Variants in NXPE2 observed in about 807,000 individuals in gnomAD.
NXPE2 encodes NXPE family member 2.
NXPE2 carries 34 observed loss-of-function variants against 34.4 expected under a neutral mutation model. The ratio of observed to expected loss-of-function variants is 0.99; its 90% CI spans 0.75 to 1.31. The LOEUF (loss-of-function observed/expected upper bound fraction) is 1.31. Ranked by LOEUF, NXPE2 falls within the 40% of genes most tolerant of loss-of-function variation. The pLI, the probability that NXPE2 is intolerant of heterozygous loss-of-function variation, is 0.00. For missense variants in NXPE2, 649 were observed against 672.5 expected (o/e 0.97, Z 0.39); for synonymous variants, 235 against 231.3 (o/e 1.02, Z -0.15).
chr11:114,809,648 T>A, the NXPE2 span, among the ~76,000 whole-genome samples: 1 of 11,684 alleles, frequency 8.6e-5, no homozygotes, highest in East Asian at 0.25. Context: ...ATGAAGGACC[T>A]CTTCTAGGAG....
the NXPE2 span, among the ~76,000 whole-genome samples, chr11:114,642,510 G>A: frequency 6.6e-6 from 1 of 151,862 alleles, no homozygotes; most frequent in African/African-American, 2.4e-5. Context: ...ACTTATGAGT[G>A]ACAACATGCA....
chr11:114,805,976 G>A, the NXPE2 span, among the ~76,000 whole-genome samples: 20 of 152,266 alleles, frequency 1.3e-4, no homozygotes, highest in East Asian at 1.9e-3. Context: ...TCACACTGCC[G>A]GGTACTCCTC....
the NXPE2 span, among the ~76,000 whole-genome samples, chr11:114,644,704 A>T: frequency 7.2e-5 from 11 of 152,068 alleles, no homozygotes; most frequent in Non-Finnish European, 1.5e-4. Context: ...TTCCCCCTCA[A>T]ATTTTATCAA....
the NXPE2 span, among the ~76,000 whole-genome samples, chr11:114,506,960 A>C: frequency 2.0e-5 from 3 of 152,058 alleles, no homozygotes; most frequent in African/African-American, 7.2e-5. Context: ...TTTTTTGAAA[A>C]AATTAATAAA....
the NXPE2 span, among the ~76,000 whole-genome samples, chr11:114,632,175 A>T: frequency 7.1e-6 from 1 of 141,236 alleles, no homozygotes; most frequent in East Asian, 1.9e-4. Context: ...ATCATATAAT[A>T]TATAATAAAT....
chr11:114,684,819 T>C (rs191308806), intron 2 of NXPE2, among the ~76,000 whole-genome samples: 161 of 152,296 alleles, frequency 1.1e-3, no homozygotes, highest in African/African-American at 3.8e-3. Context: ...TGGTTACACA[T>C]GTTTGGCAGT....
chr11:114,577,330 A>G, the NXPE2 span, among the ~76,000 whole-genome samples: 4 of 151,798 alleles, frequency 2.6e-5, no homozygotes, highest in East Asian at 5.8e-4. Context: ...GTTCTCACTC[A>G]TATGTGGGAA....
At chr11:114,657,939 A>G in the NXPE2 span, among the ~76,000 whole-genome samples, 1 of 152,218 alleles carries the variant, frequency 6.6e-6, no homozygotes, top group Admixed American at 6.5e-5. Context: ...CATTAGTCAT[A>G]GACTATTAAT....
chr11:114,471,754 G>A, the NXPE2 span, among the ~76,000 whole-genome samples: 1 of 152,144 alleles, frequency 6.6e-6, no homozygotes, highest in Admixed American at 6.6e-5. Flanking sequence ...ATTAATGCTA[G>A]CCTTGGTAAA....
chr11:114,610,790 A>G, the NXPE2 span, among the ~76,000 whole-genome samples: 6 of 152,068 alleles, frequency 3.9e-5, no homozygotes, highest in African/African-American at 1.4e-4. Flanking sequence ...CCCAGTGGAT[A>G]ATAAGTATTG....
chr11:114,602,929 T>C, the NXPE2 span, among the ~76,000 whole-genome samples: 1 of 149,374 alleles, frequency 6.7e-6, no homozygotes, highest in Non-Finnish European at 1.5e-5. Flanking sequence ...TAATCTAATA[T>C]ATAATTACAG....
chr11:114,760,113 T>C, the NXPE2 span, among the ~76,000 whole-genome samples: 1 of 152,192 alleles, frequency 6.6e-6, no homozygotes, highest in Non-Finnish European at 1.5e-5. Flanking sequence ...TGTGTCTCCC[T>C]GCACATTCAC....
At chr11:114,558,215 T>C in the NXPE2 span, among the ~76,000 whole-genome samples, 1 of 152,064 alleles carries the variant, frequency 6.6e-6, no homozygotes, top group Admixed American at 6.6e-5. Context: ...TGTGTGTGTG[T>C]ATATATATAT....
At chr11:114,580,253 A>G in the NXPE2 span, 2 of 1,613,898 alleles carry the variant, frequency 1.2e-6, no homozygotes, top group Non-Finnish European at 1.7e-6. Flanking sequence ...AGGAGACAGG[A>G]TTCCATGTGT....
chr11:114,492,629 C>G, the NXPE2 span, among the ~76,000 whole-genome samples: 1 of 151,884 alleles, frequency 6.6e-6, no homozygotes, highest in Non-Finnish European at 1.5e-5. Flanking sequence ...AGCTCCGCGT[C>G]CTGGGTTCAC....
At chr11:114,700,812 G>A (rs932351690) in intron 3 of NXPE2, among the ~76,000 whole-genome samples, 4 of 151,938 alleles carry the variant, frequency 2.6e-5, no homozygotes, top group East Asian at 1.9e-4. Context: ...AAATTTATTT[G>A]GCCACAGACC....
the NXPE2 span, among the ~76,000 whole-genome samples, chr11:114,535,133 T>C: frequency 2.0e-5 from 3 of 152,320 alleles, no homozygotes; most frequent in East Asian, 3.9e-4. Flanking sequence ...TATTCAAAAT[T>C]CTTAAAGAAA....
the NXPE2 span, among the ~76,000 whole-genome samples, chr11:114,564,323 G>A: frequency 2.0e-5 from 3 of 152,092 alleles, no homozygotes; most frequent in Admixed American, 6.6e-5. Context: ...GGTTGATAGC[G>A]AGGTGAGGGA....
At chr11:114,643,046 C>T in the NXPE2 span, among the ~76,000 whole-genome samples, 1 of 152,106 alleles carries the variant, frequency 6.6e-6, no homozygotes, top group African/African-American at 2.4e-5. Flanking sequence ...TTGTTGGCTG[C>T]ATAAATGTCT....
Sources: allele counts gnomAD v4.1 joint callset (sites outside exome capture counted in the v4.1 genomes callset), GRCh38; gene constraint gnomAD v4.1.1; transcripts MANE v1.5; gene names NCBI Gene and HGNC (gene_info 2026-07-23, HGNC 2026-07-21).